The following TIAM2 variants were observed in gnomAD, a reference collection of about 807,000 sequenced individuals.
TIAM2 encodes TIAM Rac1 associated GEF 2.
Under a neutral mutation model 152.9 loss-of-function variants are expected in TIAM2, and 80 were observed. The ratio of observed to expected loss-of-function variants is 0.52; its 90% CI spans 0.44 to 0.63. The LOEUF (loss-of-function observed/expected upper bound fraction) is 0.63. Ranked by LOEUF, TIAM2 falls within the 30% of genes least tolerant of loss-of-function variation. The pLI, the probability that TIAM2 is intolerant of heterozygous loss-of-function variation, is 0.00. For missense variants in TIAM2, 1,965 were observed against 2,120.1 expected (o/e 0.93, Z 1.44); for synonymous variants, 804 against 838.0 (o/e 0.96, Z 0.70).
At chr6:155,032,842 G>GT (rs1214529291) in intron 1 of TIAM2, among the ~76,000 whole-genome samples, 3 of 152,050 alleles carry the variant, frequency 2.0e-5, no homozygotes, top group Non-Finnish European at 2.9e-5. Context: ...CGCCTGGCCT[G>GT]TTTTTTTCTT....
intron 14 of TIAM2, among the ~76,000 whole-genome samples, chr6:155,209,758 T>C (rs903541105): frequency 3.9e-5 from 6 of 152,210 alleles, no homozygotes; most frequent in Admixed American, 3.9e-4. Flanking sequence ...TGCAGAATTC[T>C]GTAGATCATT....
At chr6:155,084,331 C>T (rs1278888612) in intron 1 of TIAM2, among the ~76,000 whole-genome samples, 4 of 152,184 alleles carry the variant, frequency 2.6e-5, no homozygotes, top group African/African-American at 4.8e-5. Flanking sequence ...GTGTCACCAT[C>T]GTATTTCCAG....
chr6:155,230,223 A>G lies in TIAM2; in HGVS notation c.3169-10307A>G, dbSNP rs187358233. Among the ~76,000 whole-genome samples, 273 of 152,312 alleles carry G rather than the reference A, an allele frequency of 1.8e-3. 1 individual carries two copies. The highest frequency in any genetic ancestry group is 6.2e-3 in the African/African-American group (259 of 41,576). ...TCCCCTGAGCTCGTCTCCTTCACAG[A>G]AAGTTCACCACCTCATGCCCCTCGT... On this transcript the variant is annotated intron_variant, in intron 15 of 26. Coordinates refer to ENST00000682666, the MANE Select transcript of TIAM2 (RefSeq NM_012454.4).
At chr6:155,147,839 T>A (rs1779852300) in intron 6 of TIAM2, among the ~76,000 whole-genome samples, 1 of 152,182 alleles carries the variant, frequency 6.6e-6, no homozygotes, top group African/African-American at 2.4e-5. Flanking sequence ...CCCCTGTTGT[T>A]CTTATCACTC....
chr6:155,209,070 T>G (rs989329921), intron 14 of TIAM2, among the ~76,000 whole-genome samples: 1 of 151,878 alleles, frequency 6.6e-6, no homozygotes, highest in Admixed American at 6.6e-5. Flanking sequence ...TCCTTTGAAG[T>G]GTTTTAAGGG....
rs1294254800 is a variant in TIAM2, at chr6:155,252,829, C to T, written c.4120-119C>T. ...TGATTGACTTCTGTGCCCTGAACACCCACATGGCTGCTCGGAGACTCGCCC... is the reference window on the plus strand; with the variant it reads ...TGATTGACTTCTGTGCCCTGAACACTCACATGGCTGCTCGGAGACTCGCCC... On this transcript the variant is annotated intron_variant, in intron 23 of 26. Coordinates refer to ENST00000682666, the MANE Select transcript of TIAM2 (RefSeq NM_012454.4). 1.3e-5 allele frequency: 11 copies of T among 844,256 alleles called. No individual in the cohort carries two copies. The African/African-American group carries it at 1.3e-4, about 10-fold the overall frequency. The allele number at this position is 844,256 out of a possible 1,614,324, so 52.3% of individuals were successfully genotyped here.
intron 19 of TIAM2, 34 bp from the exon 20 acceptor site, chr6:155,247,966 G>A (rs957009512): frequency 2.3e-5 from 37 of 1,600,800 alleles, no homozygotes; most frequent in Non-Finnish European, 3.1e-5. Context: ...ACCCCACTGT[G>A]CTCTTCTGAG....
rs1257052789 is a variant in TIAM2 at position 155,161,440 on chromosome 6, A to T, written c.2029-2975A>T. 2.0e-5 allele frequency among the ~76,000 whole-genome samples: 3 copies of T among 152,254 alleles called. No individual in the cohort carries two copies. In the East Asian group the frequency reaches 5.8e-4, roughly 29 times the overall value. On this transcript the variant is annotated intron_variant, in intron 7 of 26. Transcript: ENST00000682666. ...CTCAGTACTGCTTTGATGTGTAGTC[A>T]CATAAGTACATTAAATAGTGCTGTT... is the stretch of plus-strand genomic sequence containing the variant.
chr6:155,067,184 G>GA (rs1777713087), intron 1 of TIAM2, among the ~76,000 whole-genome samples: 7 of 152,158 alleles, frequency 4.6e-5, no homozygotes, highest in Admixed American at 4.6e-4. Flanking sequence ...CAGTCTGGCT[G>GA]TGGGGGAGCT....
intron 1 of TIAM2, among the ~76,000 whole-genome samples, chr6:155,007,069 T>G (rs1008757915): frequency 2.6e-4 from 40 of 152,200 alleles, no homozygotes; most frequent in African/African-American, 9.6e-4. Context: ...TGTAAGCCAC[T>G]GCGGCTGGTC....
intron 1 of TIAM2, among the ~76,000 whole-genome samples, chr6:155,017,538 T>G (rs1778613608): frequency 7.3e-6 from 1 of 136,164 alleles, no homozygotes; most frequent in Non-Finnish European, 1.5e-5. Context: ...GGAGTCTCAC[T>G]CTGTCGCCAG....
chr6:155,191,183 T>C (rs557095781), intron 14 of TIAM2, among the ~76,000 whole-genome samples: 1 of 152,322 alleles, frequency 6.6e-6, no homozygotes, highest in East Asian at 1.9e-4. Context: ...GTGAAGAGCA[T>C]GGACACCATC....
At chr6:155,123,769 C>T (rs1779227636) in intron 2 of TIAM2, among the ~76,000 whole-genome samples, 1 of 152,054 alleles carries the variant, frequency 6.6e-6, no homozygotes, top group South Asian at 2.1e-4. Flanking sequence ...GGAGGGCTGA[C>T]AAAGAGAGGT....
Position 155,144,769 on chromosome 6 carries a change from C to T in TIAM2, c.1794C>T (p.Tyr598=). The T allele has an allele frequency of 1.9e-6, 3 of 1,609,012 alleles. No individual in the cohort carries two copies. Among genetic ancestry groups the T allele is most frequent in the Non-Finnish European group, 2.5e-6 (3 of 1,178,208 alleles). Residue 598 remains tyrosine, a synonymous_variant, in exon 6 of 27, where the codon TAC becomes TAT. Coordinates refer to ENST00000682666, the MANE Select transcript of TIAM2 (RefSeq NM_012454.4). ...TCAGCAACTCCTTTGGAGATGTCTA[C>T]CTTTTCCAGGTACTGCTGGTACTTT... ...FCLSNSFGDV[Y]LFQATSQTDL... is the part of the protein sequence containing the mutation.
chr6:155,125,850 GA>G (rs890990697), intron 2 of TIAM2, among the ~76,000 whole-genome samples: 46 of 144,234 alleles, frequency 3.2e-4, no homozygotes, highest in East Asian at 6.0e-4. Flanking sequence ...AAAAAAGAGA[GA>G]AAAAAAAAAG....
intron 1 of TIAM2, among the ~76,000 whole-genome samples, chr6:155,037,491 T>G (rs1562297367): frequency 6.6e-6 from 1 of 152,138 alleles, no homozygotes; most frequent in Non-Finnish European, 1.5e-5. Context: ...CAGGTCAGCA[T>G]GAATAGTTTT....
chr6:155,206,425 TG>T (rs955956585), intron 14 of TIAM2, among the ~76,000 whole-genome samples: 1 of 152,046 alleles, frequency 6.6e-6, no homozygotes, highest in African/African-American at 2.4e-5. Context: ...TTAGTAGAGA[TG>T]GGGTTTCACC....
At chr6:155,028,483 C>A (rs1247762855) in intron 1 of TIAM2, among the ~76,000 whole-genome samples, 1 of 120,304 alleles carries the variant, frequency 8.3e-6, no homozygotes, top group Non-Finnish European at 1.7e-5. Context: ...GTTACATATA[C>A]TACATATATA....
rs200169165 is a variant in TIAM2 at position 155,148,122 on chromosome 6, A to C, written c.1816A>C (p.Thr606Pro). ...DVYLFQATSQ[T>P]DLENWVTAVH... ...TCCCTGTGTGTAGGCCACCAGCCAGACAGATCTAGAAAACTGGGTCACTGC... is the reference window on the plus strand; with the variant it reads ...TCCCTGTGTGTAGGCCACCAGCCAGCCAGATCTAGAAAACTGGGTCACTGC... Residue 606 changes from threonine to proline, a missense_variant, in exon 7 of 27, where the codon ACA (threonine) becomes CCA (proline). Thr to Pro is a conservative substitution (Grantham distance 38, BLOSUM62 -1). This residue lies in a region of TIAM2 where 1,025 missense variants were observed against 1,119.4 expected (regional missense o/e 0.92). Transcript: ENST00000682666. 4 of 1,613,920 alleles carry C rather than the reference A, an allele frequency of 2.5e-6. No individual in the cohort carries two copies. Among genetic ancestry groups the C allele is most frequent in the Non-Finnish European group, 3.4e-6 (4 of 1,180,026 alleles).
Sources: allele counts gnomAD v4.1 joint callset (sites outside exome capture counted in the v4.1 genomes callset), GRCh38; gene constraint gnomAD v4.1.1; regional missense constraint gnomAD v4.1.1; transcripts MANE v1.5; gene names NCBI Gene and HGNC (gene_info 2026-07-23, HGNC 2026-07-21).